The following USP13 variants were observed in gnomAD, a reference collection of about 807,000 sequenced individuals.
The protein encoded by USP13 is ubiquitin specific peptidase 13.
In USP13, 68 loss-of-function variants were observed where a neutral mutation model predicts 107.8. The ratio of observed to expected loss-of-function variants is 0.63; its 90% CI spans 0.52 to 0.77. The LOEUF is 0.77. Among genes scored for constraint, USP13 ranks in the 30% least tolerant of loss-of-function variants. USP13 has a pLI of 0.00. For synonymous variants in USP13, 377 were observed against 389.5 expected (o/e 0.97, Z 0.38); for missense variants, 945 against 1,093.3 (o/e 0.86, Z 1.91).
intron 13 of USP13, among the ~76,000 whole-genome samples, chr3:179,751,799 C>T (rs542600457): frequency 7.2e-5 from 11 of 152,258 alleles, no homozygotes; most frequent in African/African-American, 2.4e-4. Context: ...TCTCAGCTCA[C>T]TGCATCCTTT....
intron 5 of USP13, among the ~76,000 whole-genome samples, chr3:179,708,264 G>A (rs1712793458): frequency 6.6e-6 from 1 of 152,086 alleles, no homozygotes; most frequent in Non-Finnish European, 1.5e-5. Flanking sequence ...CTGGGAGGCA[G>A]GCAGGGTGCT....
chr3:179,707,112 T>C, intron 5 of USP13, 36 bp downstream of exon 5: 1 of 1,583,292 alleles, frequency 6.3e-7, no homozygotes, highest in African/African-American at 1.4e-5. Context: ...CTTTACTCCC[T>C]AAAACTGTCC....
At chr3:179,706,828 C>T (rs747650190) in intron 4 of USP13, 106 bp from the exon 5 acceptor site, 163 of 1,313,036 alleles carry the variant, frequency 1.2e-4, no homozygotes, top group Non-Finnish European at 1.6e-4. Context: ...ACGCTGTTTG[C>T]GTTTCTTCAG....
At chr3:179,687,797 A>G (rs965869319) in intron 2 of USP13, among the ~76,000 whole-genome samples, 1 of 151,410 alleles carries the variant, frequency 6.6e-6, no homozygotes, top group Non-Finnish European at 1.5e-5. Context: ...GCACATATCT[A>G]TGGCACACTG....
chr3:179,718,287 T>C (rs2108491540), intron 6 of USP13, among the ~76,000 whole-genome samples: 1 of 3,380 alleles, frequency 3.0e-4, no homozygotes, highest in East Asian at 3.9e-3. Flanking sequence ...CTTTAGAAAC[T>C]TTTTTTTTTT....
At chr3:179,739,131 C>G (rs569247696) in intron 10 of USP13, among the ~76,000 whole-genome samples, 8 of 152,194 alleles carry the variant, frequency 5.3e-5, no homozygotes, top group South Asian at 4.1e-4. Context: ...GTCCAGCTGG[C>G]CTCGGCAGCC....
At position 179,675,309 on chromosome 3, in the gene USP13, G is replaced by A. The variant is rs559969700; in HGVS notation, c.169-6569G>A. On this transcript the variant is annotated intron_variant, in intron 1 of 20. Transcript: ENST00000263966. ...GGATCTATTTGGACTTTATTACCAT[G>A]TTTCGTATAAGTTGTAGATCTAGGT... Among the ~76,000 whole-genome samples, 3 of 152,036 alleles carry A rather than the reference G, an allele frequency of 2.0e-5. No individual in the cohort carries two copies. In the East Asian group the frequency reaches 5.8e-4, roughly 29 times the overall value.
At chr3:179,730,160 TG>T (rs1713748502) in intron 8 of USP13, 28 bp from the exon 9 acceptor site, 2 of 1,594,434 alleles carry the variant, frequency 1.3e-6, no homozygotes, top group Non-Finnish European at 1.7e-6. Flanking sequence ...GCAGTTGCTA[TG>T]TTTTAACTAT....
intron 11 of USP13, among the ~76,000 whole-genome samples, chr3:179,741,173 C>T (rs182397122): frequency 1.2e-4 from 19 of 152,132 alleles, no homozygotes; most frequent in Admixed American, 9.8e-4. Flanking sequence ...ATGCCACGCC[C>T]TGCAGCCAGC....
chr3:179,656,951 G>A (rs779934064), intron 1 of USP13, among the ~76,000 whole-genome samples: 4 of 152,116 alleles, frequency 2.6e-5, no homozygotes, highest in Non-Finnish European at 4.4e-5. Context: ...TAAAACATAT[G>A]GGAAATACTG....
At chr3:179,711,074 T>C (rs545425358) in intron 6 of USP13, among the ~76,000 whole-genome samples, 4 of 152,374 alleles carry the variant, frequency 2.6e-5, no homozygotes, top group Non-Finnish European at 4.4e-5. Context: ...ACTAAACTTA[T>C]GAAAACATTG....
chr3:179,730,093 A>C (rs1447084533), intron 8 of USP13, 96 bp from the exon 9 acceptor site: 2 of 1,125,850 alleles, frequency 1.8e-6, no homozygotes, highest in East Asian at 4.8e-5. Flanking sequence ...AGTTTGACAA[A>C]GGGGCAAGAA....
intron 8 of USP13, among the ~76,000 whole-genome samples, chr3:179,723,700 A>G (rs1713407791): frequency 6.6e-6 from 1 of 152,234 alleles, no homozygotes; most frequent in Non-Finnish European, 1.5e-5. Context: ...GATATATGAG[A>G]ACATGAGCAA....
At chr3:179,736,866 G>T (rs898636760) in intron 10 of USP13, among the ~76,000 whole-genome samples, 21 of 152,218 alleles carry the variant, frequency 1.4e-4, no homozygotes, top group African/African-American at 4.3e-4. Flanking sequence ...CAGAGCGGCT[G>T]CTTGCTATGG....
intron 4 of USP13, among the ~76,000 whole-genome samples, chr3:179,704,250 G>A (rs1472733018): frequency 6.6e-6 from 1 of 152,160 alleles, no homozygotes; most frequent in Non-Finnish European, 1.5e-5. Flanking sequence ...CAAGGACAAA[G>A]GAGAAGATTC....
rs1163650379 is a variant in USP13 at position 179,788,498 on chromosome 3, C to T, written c.*4357C>T. 1 of 152,088 alleles carries T rather than the reference C, an allele frequency of 6.6e-6. No individual in the cohort carries two copies. Among genetic ancestry groups the T allele is most frequent in the Non-Finnish European group, 1.5e-5 (1 of 68,028 alleles). 9.4% of individuals were successfully genotyped at this position (152,088 alleles called of 1,614,324 possible). On this transcript the variant is annotated 3_prime_UTR_variant, in exon 21 of 21. Coordinates refer to ENST00000263966, the MANE Select transcript of USP13 (RefSeq NM_003940.3). ...AAATCGAGACTGTGTTGTACACATACAATACACACCAGATTTTGAAGGCTT... is the reference window on the plus strand; with the variant it reads ...AAATCGAGACTGTGTTGTACACATATAATACACACCAGATTTTGAAGGCTT...
chr3:179,767,861 C>T (rs1257963640), intron 19 of USP13, among the ~76,000 whole-genome samples: 5 of 152,052 alleles, frequency 3.3e-5, no homozygotes, highest in Admixed American at 6.5e-5. Context: ...CTAACATGTA[C>T]GTATTCATAT....
intron 8 of USP13, among the ~76,000 whole-genome samples, chr3:179,729,482 T>C (rs2108503266): frequency 6.6e-6 from 1 of 152,120 alleles, no homozygotes; most frequent in Middle Eastern, 3.4e-3. Context: ...ATTTATTTAT[T>C]TTTTTTTGAG....
chr3:179,776,709 T>A (rs973151600), intron 19 of USP13, among the ~76,000 whole-genome samples: 1 of 152,210 alleles, frequency 6.6e-6, no homozygotes, highest in Non-Finnish European at 1.5e-5. Flanking sequence ...TGAAAGTTTT[T>A]CTAACATTTT....
Sources: gnomAD v4.1 joint callset for allele counts (sites outside exome capture counted in the v4.1 genomes callset) on GRCh38, gnomAD v4.1.1 for gene constraint, MANE v1.5 for transcripts, NCBI Gene and HGNC (gene_info 2026-07-23, HGNC 2026-07-21) for gene names.